ZNF69: variants seen among roughly 807,000 people sequenced by gnomAD.
ZNF69 encodes zinc finger protein 69.
Under a neutral mutation model 50.9 loss-of-function variants are expected in ZNF69, and 47 were observed. The observed-to-expected ratio is 0.92, with a 90% CI of 0.73 to 1.18. The LOEUF (loss-of-function observed/expected upper bound fraction) is 1.18. Among genes scored for constraint, ZNF69 ranks in the 50% most tolerant of loss-of-function variants. The pLI, the probability that ZNF69 is intolerant of heterozygous loss-of-function variation, is 0.00. For missense variants in ZNF69, 717 were observed against 675.1 expected (o/e 1.06, Z -0.69); for synonymous variants, 216 against 223.1 (o/e 0.97, Z 0.29).
intron 1 of ZNF69, among the ~76,000 whole-genome samples, chr19:11,894,210 C>T (rs1475414141): frequency 6.6e-6 from 1 of 152,166 alleles, no homozygotes; most frequent in Non-Finnish European, 1.5e-5. Context: ...TGCTCAGTCG[C>T]CCAGGCTGGA....
At chr19:11,974,151 TTTCTTTCCTTCC>T in the ZNF69 span, among the ~76,000 whole-genome samples, 4 of 120,260 alleles carry the variant, frequency 3.3e-5, no homozygotes, top group Admixed American at 8.3e-5. Flanking sequence ...TCTTTCTTTC[TTTCTTTCCTTCC>T]TTCCTTCCTT....
the ZNF69 span, among the ~76,000 whole-genome samples, chr19:11,937,490 C>T: frequency 0.054 from 6,931 of 128,914 alleles, 550 homozygotes; most frequent in African/African-American, 0.14. Flanking sequence ...TTTTTCTTTC[C>T]TTTTTTTTTT....
At chr19:11,944,444 G>T in the ZNF69 span, among the ~76,000 whole-genome samples, 1 of 152,140 alleles carries the variant, frequency 6.6e-6, no homozygotes, top group Non-Finnish European at 1.5e-5. Flanking sequence ...TTGGTAGGCA[G>T]CATGCAGTAT....
At chr19:11,979,854 G>A in the ZNF69 span, 1 of 1,510,922 alleles carries the variant, frequency 6.6e-7, no homozygotes, top group Non-Finnish European at 9.2e-7. Flanking sequence ...ATTCATGAAA[G>A]GACACAAACA....
downstream of ZNF69, among the ~76,000 whole-genome samples, chr19:11,910,555 A>T (rs1417064306): frequency 6.6e-6 from 1 of 152,376 alleles, no homozygotes; most frequent in East Asian, 1.9e-4. Flanking sequence ...AACCTGATAA[A>T]AACAAGAAAT....
the ZNF69 span, among the ~76,000 whole-genome samples, chr19:11,930,999 C>CA: frequency 0.023 from 2,525 of 109,886 alleles, 219 homozygotes; most frequent in African/African-American, 0.061. Flanking sequence ...AATTCCGTCT[C>CA]AAAAAAAAAA....
At chr19:11,925,520 C>G in the ZNF69 span, among the ~76,000 whole-genome samples, 1 of 152,166 alleles carries the variant, frequency 6.6e-6, no homozygotes, top group African/African-American at 2.4e-5. Flanking sequence ...GGAGCCCTCT[C>G]TGGGCAGTTC....
chr19:11,896,659 A>T (rs1439390342), intron 1 of ZNF69, among the ~76,000 whole-genome samples: 1 of 152,126 alleles, frequency 6.6e-6, no homozygotes, highest in Non-Finnish European at 1.5e-5. Context: ...TACTTTTCAG[A>T]GATGTCAACT....
chr19:11,951,003 T>C, the ZNF69 span, among the ~76,000 whole-genome samples: 13 of 151,406 alleles, frequency 8.6e-5, no homozygotes, highest in Non-Finnish European at 1.8e-4. Context: ...ATACAAAAAT[T>C]AGCTGGGCAT....
At chr19:11,946,932 G>A in the ZNF69 span, 7 of 642,162 alleles carry the variant, frequency 1.1e-5, no homozygotes, top group Non-Finnish European at 1.1e-5. Flanking sequence ...CCCCGGTGGT[G>A]AGCCAATATC....
chr19:11,934,486 G>T, the ZNF69 span, among the ~76,000 whole-genome samples: 3 of 148,204 alleles, frequency 2.0e-5, no homozygotes, highest in Non-Finnish European at 4.4e-5. Flanking sequence ...GGTATTTGCT[G>T]CTGCCTCATT....
chr19:11,903,267 TACA>T (rs1444727992), intron 1 of ZNF69, among the ~76,000 whole-genome samples: 1 of 152,006 alleles, frequency 6.6e-6, no homozygotes, highest in African/African-American at 2.4e-5. Context: ...CCACTAAAAA[TACA>T]ACATTAACCA....
the ZNF69 span, among the ~76,000 whole-genome samples, chr19:11,935,569 A>G: frequency 3.3e-5 from 5 of 151,908 alleles, no homozygotes; most frequent in African/African-American, 1.2e-4. Flanking sequence ...TTTTTCTTAT[A>G]GAATTTTAGG....
the ZNF69 span, among the ~76,000 whole-genome samples, chr19:11,930,352 A>G: frequency 6.1e-5 from 9 of 148,556 alleles, no homozygotes; most frequent in African/African-American, 2.4e-4. Flanking sequence ...TAGCTGTCCT[A>G]CAGGGAGGTG....
the ZNF69 span, chr19:11,947,011 T>C: frequency 4.3e-6 from 5 of 1,171,044 alleles, no homozygotes; most frequent in African/African-American, 1.6e-5. Context: ...AATAAATAAA[T>C]TGCTTTATGG....
At chr19:11,891,451 A>G (rs10417191) in intron 1 of ZNF69, among the ~76,000 whole-genome samples, 5,496 of 151,190 alleles carry the variant, frequency 0.036, 306 homozygotes, top group African/African-American at 0.12. Flanking sequence ...AAGAAAAAGG[A>G]AGGAAGGAAG....
intron 1 of ZNF69, among the ~76,000 whole-genome samples, chr19:11,896,502 G>C (rs1972125233): frequency 6.6e-6 from 1 of 152,048 alleles, no homozygotes; most frequent in Non-Finnish European, 1.5e-5. Flanking sequence ...TGTCTGGTAA[G>C]GGCCCGCTTC....
the ZNF69 span, among the ~76,000 whole-genome samples, chr19:11,967,059 G>A: frequency 6.6e-6 from 1 of 152,298 alleles, no homozygotes; most frequent in South Asian, 2.1e-4. Context: ...CTCTGGGCCA[G>A]CATGATGGCT....
intron 1 of ZNF69, among the ~76,000 whole-genome samples, 165 bp from the exon 2 acceptor site, chr19:11,903,408 C>CA (rs902156937): frequency 3.3e-5 from 5 of 151,866 alleles, no homozygotes; most frequent in Non-Finnish European, 1.5e-5. Flanking sequence ...AAATCTGTCT[C>CA]AAAAAAAAGA....
Sources: allele counts gnomAD v4.1 joint callset (sites outside exome capture counted in the v4.1 genomes callset), GRCh38; gene constraint gnomAD v4.1.1; transcripts MANE v1.5; gene names NCBI Gene and HGNC (gene_info 2026-07-23, HGNC 2026-07-21).